Variants in ZNF675 observed in about 807,000 individuals in gnomAD.
The protein encoded by ZNF675 is TRAF6 inhibitory zinc finger.
Under a neutral mutation model 56.1 loss-of-function variants are expected in ZNF675, and 36 were observed. The ratio of observed to expected loss-of-function variants is 0.64; its 90% CI spans 0.49 to 0.85. ZNF675 has a LOEUF of 0.85. Ranked by LOEUF, ZNF675 falls within the 40% of genes least tolerant of loss-of-function variation. ZNF675 has a pLI of 0.00. For missense variants in ZNF675, 663 were observed against 654.2 expected (o/e 1.01, Z -0.15); for synonymous variants, 200 against 218.9 (o/e 0.91, Z 0.76).
intron 1 of ZNF675, among the ~76,000 whole-genome samples, chr19:23,685,351 A>T (rs2144803343): frequency 6.6e-6 from 1 of 152,290 alleles, no homozygotes; most frequent in East Asian, 1.9e-4. Context: ...TACACTCCAT[A>T]CCTCAGGTTG....
chr19:23,677,532 C>T (rs895277084), intron 1 of ZNF675, among the ~76,000 whole-genome samples: 1 of 150,180 alleles, frequency 6.7e-6, no homozygotes, highest in Non-Finnish European at 1.5e-5. Flanking sequence ...ATGGGGAAAC[C>T]TCATCTCTAC....
At chr19:23,683,391 A>C (rs1340151358) in intron 1 of ZNF675, among the ~76,000 whole-genome samples, 1 of 148,928 alleles carries the variant, frequency 6.7e-6, no homozygotes, top group Non-Finnish European at 1.5e-5. Flanking sequence ...CCAATTATCT[A>C]CTACATTTTC....
intron 1 of ZNF675, among the ~76,000 whole-genome samples, chr19:23,664,397 A>G (rs1899361556): frequency 6.6e-6 from 1 of 151,952 alleles, no homozygotes; most frequent in African/African-American, 2.4e-5. Flanking sequence ...ACCAGAAGCG[A>G]TTCAGGAACC....
intron 1 of ZNF675, among the ~76,000 whole-genome samples, chr19:23,669,963 C>T (rs1599418083): frequency 6.6e-6 from 1 of 152,024 alleles, no homozygotes; most frequent in South Asian, 2.1e-4. Context: ...ATCTGACAGA[C>T]TAAGTCTGGG....
chr19:23,661,293 G>A (rs1968074186), intron 3 of ZNF675, among the ~76,000 whole-genome samples: 1 of 151,914 alleles, frequency 6.6e-6, no homozygotes, highest in African/African-American at 2.4e-5. Flanking sequence ...TTACAGGCGT[G>A]AGCCACCGTG....
At chr19:23,661,900 G>A in intron 3 of ZNF675, 1 of 444,128 alleles carries the variant, frequency 2.3e-6, no homozygotes, top group Non-Finnish European at 4.1e-6. Context: ...AAACTTAAAG[G>A]AAAATTACCA....
chr19:23,678,204 C>T (rs1177766590), intron 1 of ZNF675, among the ~76,000 whole-genome samples: 3 of 151,144 alleles, frequency 2.0e-5, no homozygotes, highest in Non-Finnish European at 2.9e-5. Flanking sequence ...TTAATATGGC[C>T]ATACCACCAA....
chr19:23,687,106 G>C lies in ZNF675; in HGVS notation c.-73C>G. ...TTTCTGCAGGTCACAGGCCCACAGAGGCTGGACCTCTAGGAGCAGAGGACA... is the reference window on the plus strand; with the variant it reads ...TTTCTGCAGGTCACAGGCCCACAGACGCTGGACCTCTAGGAGCAGAGGACA... On this transcript the variant is annotated 5_prime_UTR_variant, in exon 1 of 4. Transcript: ENST00000359788. 6 of 1,573,898 alleles carry C rather than the reference G, an allele frequency of 3.8e-6. No homozygotes were observed. The highest frequency in any genetic ancestry group is 4.4e-6 in the Non-Finnish European group (5 of 1,144,694).
intron 1 of ZNF675, among the ~76,000 whole-genome samples, chr19:23,667,518 G>A (rs1209446039): frequency 2.0e-5 from 3 of 152,058 alleles, no homozygotes; most frequent in Non-Finnish European, 2.9e-5. Context: ...GGTTCTCCAC[G>A]TCCCCAGCAG....
chr19:23,654,213 G>A lies in ZNF675; in HGVS notation c.720C>T (p.Phe240=). The A allele has an allele frequency of 6.2e-7, 1 of 1,613,984 alleles. No homozygotes were observed. Among genetic ancestry groups the A allele is most frequent in the South Asian group, 1.1e-5 (1 of 91,072 alleles). The part of the protein sequence containing the change: ...CQECDRTFNQ[F]SNLTEYKKDY... ...CTTTTTTATATTCAGTAAGGTTTGA[G>A]AATTGGTTAAAAGTTCTGTCACATT... The change falls in exon 4 of 4, where the codon TTC becomes TTT. Residue 240 remains phenylalanine (F), a synonymous_variant. Coordinates refer to ENST00000359788, the MANE Select transcript of ZNF675 (RefSeq NM_138330.3).
rs1460624950 is a variant in ZNF675, at chr19:23,657,948, AC to A, written c.227-3243del. Among the ~76,000 whole-genome samples the A allele has an allele frequency of 2.6e-5, 4 of 152,312 alleles. No homozygotes were observed. The East Asian group carries it at 7.7e-4, about 29-fold the overall frequency. ...ATTGCAAATTGTCTAAAATGGTAAAACAAAAAAACAATAAACAGATGTCAAA... is the reference window on the plus strand; with the variant it reads ...ATTGCAAATTGTCTAAAATGGTAAAAAAAAAAACAATAAACAGATGTCAAA... On this transcript the variant is annotated intron_variant, in intron 3 of 3. Coordinates refer to ENST00000359788, the MANE Select transcript of ZNF675 (RefSeq NM_138330.3).
At chr19:23,679,156 G>A (rs1968341963) in intron 1 of ZNF675, among the ~76,000 whole-genome samples, 1 of 91,334 alleles carries the variant, frequency 1.1e-5, no homozygotes. Context: ...GACAGAGCGA[G>A]ACTCCGTCTC....
chr19:23,661,418 T>C (rs1260350264), intron 3 of ZNF675, among the ~76,000 whole-genome samples: 1 of 144,888 alleles, frequency 6.9e-6, no homozygotes, highest in Non-Finnish European at 1.5e-5. Flanking sequence ...GGGCGGGGAA[T>C]AGTGGCTCAC....
chr19:23,677,849 G>A (rs1374207505), intron 1 of ZNF675, among the ~76,000 whole-genome samples: 1 of 151,694 alleles, frequency 6.6e-6, no homozygotes, highest in Non-Finnish European at 1.5e-5. Flanking sequence ...GCCGGCTACA[G>A]TGGCTCACGC....
chr19:23,657,238 C>A, intron 3 of ZNF675: 1 of 152,168 alleles, frequency 6.6e-6, no homozygotes, highest in South Asian at 2.0e-4. Flanking sequence ...CATGCCTGGC[C>A]CTGAAATACA....
intron 1 of ZNF675, among the ~76,000 whole-genome samples, chr19:23,669,746 A>G (rs1968204970): frequency 1.3e-5 from 2 of 152,034 alleles, no homozygotes; most frequent in South Asian, 4.2e-4. Context: ...CCAGCTACTC[A>G]GGAGGCTGAG....
chr19:23,653,748 G>T lies in ZNF675; in HGVS notation c.1185C>A (p.Pro395=). 6.2e-7 allele frequency: 1 copy of T among 1,613,594 alleles called. No individual in the cohort carries two copies. The highest frequency in any genetic ancestry group is 8.5e-7 in the Non-Finnish European group (1 of 1,179,896). Reference sequence around the variant, plus strand: ...CTTTGCCACATTCTTTACATTTGTAGGGTTTCTCTTCGGTATGAATTTTCC... The same window carrying T: ...CTTTGCCACATTCTTTACATTTGTATGGTTTCTCTTCGGTATGAATTTTCC... The part of the protein sequence containing the change: ...EHRKIHTEEK[P]YKCKECGKAF... Residue 395 remains proline (P), a synonymous_variant, in exon 4 of 4, where the codon CCC becomes CCA. Transcript: ENST00000359788.
Position 23,653,942 on chromosome 19 carries a change from T to C in ZNF675, c.991A>G (p.Lys331Glu). 6.2e-6 allele frequency: 10 copies of C among 1,613,532 alleles called. No individual in the cohort carries two copies. Among genetic ancestry groups the C allele is most frequent in the Non-Finnish European group, 8.5e-6 (10 of 1,179,568 alleles). Residue 331 changes from lysine (K) to glutamate (E), a missense_variant, in exon 4 of 4, where the codon AAG (lysine) becomes GAG (glutamate). Lys to Glu is a moderately conservative substitution (Grantham distance 56). Coordinates refer to ENST00000359788, the MANE Select transcript of ZNF675 (RefSeq NM_138330.3). ...FTQSSTLTTH[K>E]RIHTGEKPYK... The stretch of plus-strand genomic sequence containing the variant: ...GGTTTTTCTCCAGTATGAATTCTCT[T>C]ATGTGTAGTAAGGGTTGAGGATTGG...
rs747896801 is a variant in ZNF675, at chr19:23,653,377, C to T, written c.1556G>A (p.Arg519Gln). The change falls in exon 4 of 4, where the codon CGA becomes CAA. Residue 519 changes from arginine to glutamine, a missense_variant. By Grantham distance (43) the Arg-to-Gln change is conservative (BLOSUM62 1). Coordinates refer to ENST00000359788, the MANE Select transcript of ZNF675 (RefSeq NM_138330.3). ...KCEECGKAFS[R>Q]SSKLTEHKII... ...CTTATGTTCAGTAAGTTTTGAGGAT[C>T]GGCTAAAAGCTTTGCCACATTCTTC... 3.7e-6 allele frequency: 6 copies of T among 1,613,182 alleles called. No homozygotes were observed. Among genetic ancestry groups the T allele is most frequent in the South Asian group, 3.3e-5 (3 of 91,060 alleles).
Sources: gnomAD v4.1 joint callset for allele counts (sites outside exome capture counted in the v4.1 genomes callset) on GRCh38, gnomAD v4.1.1 for gene constraint, MANE v1.5 for transcripts, NCBI Gene and HGNC (gene_info 2026-07-23, HGNC 2026-07-21) for gene names.